The following SYTL2 variants were observed in gnomAD, a reference collection of about 807,000 sequenced individuals.
SYTL2 encodes the protein synaptotagmin like 2, also known as synaptotagmin-like protein 2.
SYTL2 carries 165 observed loss-of-function variants against 198.7 expected under a neutral mutation model. That is an observed-to-expected ratio of 0.83 (90% CI 0.73 to 0.94). The LOEUF (loss-of-function observed/expected upper bound fraction) is 0.94, where lower values mean the gene tolerates loss of function less well. SYTL2 is among the 40% of genes least tolerant of loss of function. The pLI is 0.00. For missense variants in SYTL2, 2,835 were observed against 2,582.8 expected (o/e 1.10, Z -2.12); for synonymous variants, 966 against 917.7 (o/e 1.05, Z -0.95).
In SYTL2 at chr11:85,724,202, A is replaced by AC. The variant is rs2088785441; in HGVS notation, c.5155_5156insG (p.Ile1719SerfsTer15). On this transcript the variant is annotated frameshift_variant, in exon 8 of 20. Transcript: ENST00000359152. LOFTEE classifies it high-confidence loss of function. ...GTTTTCTTTGTTCATCAGGAGAGGA[A>AC]TGGGTTGCCTATTTCTGGACACACT... is the stretch of plus-strand genomic sequence containing the variant. 6.3e-7 allele frequency: 1 copy of AC among 1,596,338 alleles called. No individual in the cohort carries two copies. Among genetic ancestry groups the AC allele is most frequent in the African/African-American group, 1.4e-5 (1 of 73,542 alleles).
upstream of SYTL2, chr11:85,811,281 G>A (rs546207603): frequency 8.8e-6 from 1 of 113,684 alleles, no homozygotes; most frequent in South Asian, 3.1e-4. Context: ...CTCCTCGCCC[G>A]GCACACAGCG....
chr11:85,727,961 A>G lies in SYTL2; in HGVS notation c.1397T>C (p.Leu466Pro). ...SVLPRSPADE[L>P]SHCVEPEPSQ... Reference sequence around the variant, plus strand: ...TGGCTCAGGCTCAACACAATGAGACAGTTCATCTGCAACATAGAAATACTT... The same window carrying G: ...TGGCTCAGGCTCAACACAATGAGACGGTTCATCTGCAACATAGAAATACTT... Residue 466 changes from leucine (L) to proline (P), a missense_variant, in exon 8 of 20, where the codon CTG becomes CCG. Leu to Pro is a moderately conservative substitution (Grantham distance 98). Transcript: ENST00000359152. The G allele has an allele frequency of 3.8e-6, 6 of 1,585,450 alleles. No homozygotes were observed. The highest frequency in any genetic ancestry group is 5.1e-6 in the Non-Finnish European group (6 of 1,170,730).
chr11:85,722,170 ATTTTTTTTTTT>A (rs574669583), intron 8 of SYTL2, among the ~76,000 whole-genome samples: 3 of 94,634 alleles, frequency 3.2e-5, no homozygotes, highest in South Asian at 3.4e-4. Flanking sequence ...TGTTTAGGTG[ATTTTTTTTTTT>A]TTTTTTTTTT....
chr11:85,719,293 G>C, intron 9 of SYTL2: 1 of 1,163,252 alleles, frequency 8.6e-7, no homozygotes, highest in Non-Finnish European at 1.1e-6. Context: ...CAACTGAAGA[G>C]ATGTAACTGG....
chr11:85,737,654 G>C lies in SYTL2; in HGVS notation c.392C>G (p.Ser131Cys). The C allele has an allele frequency of 6.2e-7, 1 of 1,612,350 alleles. No individual in the cohort carries two copies. The highest frequency in any genetic ancestry group is 1.7e-4 in the Middle Eastern group (1 of 6,054). ...EEDAAPASPSSSVVNPASSVI... is the reference protein window; with the variant it reads ...EEDAAPASPSCSVVNPASSVI... ...ACTGGAAGCTGGATTTACCACACTG[G>C]AACTGCAAAAGAAACAATAATTCAG... Residue 131 changes from serine (S) to cysteine (C), a missense_variant and splice_region_variant, in exon 5 of 20, where the codon TCC (serine) becomes TGC (cysteine). By Grantham distance (112) the Ser-to-Cys change is moderately radical. Around this residue, in one of 3 missense-constraint regions of SYTL2, gnomAD observed 2,645 missense variants for 2,381.7 expected, o/e 1.11. Transcript: ENST00000359152.
the SYTL2 span, among the ~76,000 whole-genome samples, chr11:85,838,906 T>C: frequency 1.3e-5 from 2 of 152,338 alleles, no homozygotes; most frequent in Non-Finnish European, 2.9e-5. Context: ...CAAGTTTTTA[T>C]TTGTTTATTT....
intron 1 of SYTL2, among the ~76,000 whole-genome samples, chr11:85,808,883 A>AT (rs749981005): frequency 3.8e-4 from 25 of 66,564 alleles, no homozygotes; most frequent in Admixed American, 2.2e-3. Flanking sequence ...TTTCCTCTTA[A>AT]TTTAAAAAAA....
At chr11:85,707,841 G>A (rs1187074215) in intron 14 of SYTL2, among the ~76,000 whole-genome samples, 1 of 150,932 alleles carries the variant, frequency 6.6e-6, no homozygotes, top group East Asian at 1.9e-4. Flanking sequence ...CAGGCACGGT[G>A]GCTCACACCT....
Position 85,727,731 on chromosome 11 carries a change from G to C in SYTL2, c.1627C>G (p.Arg543Gly). 2 of 1,551,738 alleles carry C rather than the reference G, an allele frequency of 1.3e-6. No individual in the cohort carries two copies. Among genetic ancestry groups the C allele is most frequent in the Non-Finnish European group, 1.7e-6 (2 of 1,147,670 alleles). Residue 543 changes from arginine to glycine, a missense_variant, in exon 8 of 20, where the codon CGA becomes GGA. Physicochemically the swap from Arg to Gly is moderately radical, Grantham distance 125 (BLOSUM62 -2). This residue lies in a region of SYTL2 where 2,645 missense variants were observed against 2,381.7 expected (regional missense o/e 1.11). Transcript: ENST00000359152. ...DDNKSFLQHP[R>G]GIESKEKTDS... is the part of the protein sequence containing the mutation. ...GTTTTTTCTTTGGACTCTATTCCTC[G>C]GGGATGTTGGAGGAATGACTTATTG...
intron 1 of SYTL2, among the ~76,000 whole-genome samples, chr11:85,803,753 T>A (rs929041524): frequency 6.6e-6 from 1 of 152,182 alleles, no homozygotes; most frequent in Non-Finnish European, 1.5e-5. Flanking sequence ...TGGGATCAAT[T>A]GTTTGTTTGG....
intron 15 of SYTL2, among the ~76,000 whole-genome samples, chr11:85,705,914 C>G (rs938506910): frequency 3.9e-5 from 6 of 152,130 alleles, no homozygotes; most frequent in Non-Finnish European, 7.4e-5. Context: ...TTAATTCAGA[C>G]CATGGATGAC....
rs2088801480 is a variant in SYTL2 at position 85,724,284 on chromosome 11, C to A, written c.5074G>T (p.Ala1692Ser). The A allele has an allele frequency of 1.3e-6, 2 of 1,562,746 alleles. No individual in the cohort carries two copies. The highest frequency in any genetic ancestry group is 1.4e-5 in the African/African-American group (1 of 72,664). ...TCCTGAAGAGTCCCTTGTCCCCCTG[C>A]AACCCCACTTTCACTGTCCCTGTCC... ...PEDRDSESGV[A>S]GGQGTLQEPG... Residue 1692 changes from alanine (A) to serine (S), a missense_variant, in exon 8 of 20, where the codon GCA (alanine) becomes TCA (serine). Ala to Ser is a moderately conservative substitution (Grantham distance 99). Around this residue, in one of 3 missense-constraint regions of SYTL2, gnomAD observed 2,645 missense variants for 2,381.7 expected, o/e 1.11. Coordinates refer to ENST00000359152, the MANE Select transcript of SYTL2 (RefSeq NM_206927.4).
At chr11:85,826,587 A>G in the SYTL2 span, among the ~76,000 whole-genome samples, 133 of 152,332 alleles carry the variant, frequency 8.7e-4, 1 homozygote, top group African/African-American at 3.0e-3. Context: ...TGGTCTAGGG[A>G]GCCAGCGTCT....
chr11:85,742,701 T>C (rs2090890477), intron 4 of SYTL2, among the ~76,000 whole-genome samples: 1 of 152,216 alleles, frequency 6.6e-6, no homozygotes, highest in Non-Finnish European at 1.5e-5. Flanking sequence ...ATATTTTACA[T>C]AAGATATCAA....
At chr11:85,722,119 T>C (rs1375535811) in intron 8 of SYTL2, among the ~76,000 whole-genome samples, 1 of 151,906 alleles carries the variant, frequency 6.6e-6, no homozygotes, top group Non-Finnish European at 1.5e-5. Context: ...ATTTGATACT[T>C]CTTAATTGGC....
intron 2 of SYTL2, among the ~76,000 whole-genome samples, chr11:85,748,832 T>A (rs1179967740): frequency 6.6e-6 from 1 of 152,232 alleles, no homozygotes; most frequent in East Asian, 1.9e-4. Context: ...GGGGTTTCTT[T>A]GAGGTTTAAC....
intron 12 of SYTL2, among the ~76,000 whole-genome samples, chr11:85,712,183 A>T (rs1298292089): frequency 1.3e-5 from 2 of 152,208 alleles, no homozygotes; most frequent in African/African-American, 4.8e-5. Context: ...TGCCAATTGT[A>T]ATGCAGATTA....
chr11:85,805,678 C>A (rs2092949714), intron 1 of SYTL2, among the ~76,000 whole-genome samples: 1 of 152,182 alleles, frequency 6.6e-6, no homozygotes, highest in Admixed American at 6.5e-5. Context: ...GGCATCCATT[C>A]TGTCAAGACT....
chr11:85,717,987 G>A (rs756577013), intron 10 of SYTL2, among the ~76,000 whole-genome samples: 3 of 152,114 alleles, frequency 2.0e-5, no homozygotes, highest in East Asian at 3.8e-4. Flanking sequence ...AAGACAGAAC[G>A]ATTACATAAA....
Sources: allele counts gnomAD v4.1 joint callset (sites outside exome capture counted in the v4.1 genomes callset), GRCh38; gene constraint gnomAD v4.1.1; regional missense constraint gnomAD v4.1.1; transcripts MANE v1.5; gene names NCBI Gene and HGNC (gene_info 2026-07-23, HGNC 2026-07-21).